The following SLC35F4 variants were observed in gnomAD, a reference collection of about 807,000 sequenced individuals.
The protein encoded by SLC35F4 is chromosome 14 open reading frame 36.
In SLC35F4, 24 loss-of-function variants were observed where a neutral mutation model predicts 44.2. The observed-to-expected ratio is 0.54, with a 90% CI of 0.39 to 0.76. SLC35F4 has a LOEUF of 0.76. Ranked by LOEUF, SLC35F4 falls within the 30% of genes least tolerant of loss-of-function variation. SLC35F4 has a pLI of 0.00. For synonymous variants in SLC35F4, 238 were observed against 223.6 expected (o/e 1.06, Z -0.57); for missense variants, 562 against 586.1 (o/e 0.96, Z 0.42).
At chr14:57,850,596 C>T (rs1374791060) in intron 1 of SLC35F4, among the ~76,000 whole-genome samples, 1 of 152,128 alleles carries the variant, frequency 6.6e-6, no homozygotes, top group African/African-American at 2.4e-5. Flanking sequence ...GCTTTTCTTA[C>T]TTTATGGATA....
intron 1 of SLC35F4, among the ~76,000 whole-genome samples, chr14:57,647,872 T>C (rs1166971066): frequency 6.6e-6 from 1 of 152,164 alleles, no homozygotes; most frequent in African/African-American, 2.4e-5. Context: ...GCAAGAATCC[T>C]GTTAGTTCGG....
At chr14:57,905,903 G>A (rs1226834790) in intron 1 of SLC35F4, among the ~76,000 whole-genome samples, 1 of 152,120 alleles carries the variant, frequency 6.6e-6, no homozygotes, top group Admixed American at 6.5e-5. Flanking sequence ...GGGAAAGCAA[G>A]TTTAAAAGGG....
chr14:57,635,927 A>C (rs187310095), intron 1 of SLC35F4, among the ~76,000 whole-genome samples: 60 of 152,304 alleles, frequency 3.9e-4, no homozygotes, highest in Middle Eastern at 3.4e-3. Flanking sequence ...TTAGCAAAGC[A>C]AGAGAAATGG....
At chr14:57,678,288 G>A (rs898490126) in intron 1 of SLC35F4, among the ~76,000 whole-genome samples, 2 of 151,850 alleles carry the variant, frequency 1.3e-5, no homozygotes, top group African/African-American at 4.8e-5. Flanking sequence ...TTCATAAGTG[G>A]AGAAATAAAA....
At chr14:57,583,231 A>G (rs1176441909) in intron 3 of SLC35F4, among the ~76,000 whole-genome samples, 1 of 152,206 alleles carries the variant, frequency 6.6e-6, no homozygotes, top group Non-Finnish European at 1.5e-5. Flanking sequence ...ACATAGAACC[A>G]GAGGAAGTTT....
chr14:57,925,142 G>A (rs1889531275), intron 1 of SLC35F4, among the ~76,000 whole-genome samples: 1 of 151,796 alleles, frequency 6.6e-6, no homozygotes, highest in Middle Eastern at 3.2e-3. Flanking sequence ...GAAGCCATCA[G>A]TCTATTAATG....
rs370436995 is a variant in SLC35F4 at position 57,674,329 on chromosome 14, GGCC to G, written c.104-80208_104-80206del. Among the ~76,000 whole-genome samples, 244 of 152,148 alleles carry G rather than the reference GGCC, an allele frequency of 1.6e-3. 3 individuals are homozygous for G. Among genetic ancestry groups the G allele is most frequent in the Middle Eastern group, 0.014 (4 of 294 alleles). Reference sequence around the variant, plus strand: ...AGTTTTAAAAATAACACTGAACATAGGCCTAACCTGTGACCTACCAATTCTACT... The same window carrying G: ...AGTTTTAAAAATAACACTGAACATAGTAACCTGTGACCTACCAATTCTACT... On this transcript the variant is annotated intron_variant, in intron 1 of 7. Coordinates refer to ENST00000556826, the MANE Select transcript of SLC35F4 (RefSeq NM_001306087.2).
At chr14:57,786,973 C>T (rs758205801) in intron 1 of SLC35F4, among the ~76,000 whole-genome samples, 1 of 152,056 alleles carries the variant, frequency 6.6e-6, no homozygotes, top group African/African-American at 2.4e-5. Flanking sequence ...ATCAGGGAGG[C>T]ACCAGAGAAA....
intron 1 of SLC35F4, among the ~76,000 whole-genome samples, chr14:57,701,453 T>A (rs1188496693): frequency 6.6e-6 from 1 of 152,210 alleles, no homozygotes; most frequent in Non-Finnish European, 1.5e-5. Context: ...CATAAACTGT[T>A]AACACAGTCA....
upstream of SLC35F4, among the ~76,000 whole-genome samples, chr14:57,870,164 C>G (rs1731567510): frequency 6.9e-6 from 1 of 145,806 alleles, no homozygotes; most frequent in East Asian, 2.0e-4. Flanking sequence ...GTGTCTGTGT[C>G]TCTCCCTGTG....
At chr14:57,954,980 A>G (rs1890210643) in intron 1 of SLC35F4, among the ~76,000 whole-genome samples, 1 of 151,238 alleles carries the variant, frequency 6.6e-6, no homozygotes, top group African/African-American at 2.4e-5. Context: ...CCTGGCAAAG[A>G]CACAGCAAAA....
At chr14:57,934,773 T>C (rs1045344929) in intron 1 of SLC35F4, among the ~76,000 whole-genome samples, 18 of 152,154 alleles carry the variant, frequency 1.2e-4, no homozygotes, top group African/African-American at 4.1e-4. Context: ...ATTTGTGATG[T>C]TAACTGAGAA....
At chr14:57,832,930 C>T (rs191707259) in intron 1 of SLC35F4, among the ~76,000 whole-genome samples, 24 of 152,300 alleles carry the variant, frequency 1.6e-4, no homozygotes, top group East Asian at 1.5e-3. Flanking sequence ...CTAGCCAACA[C>T]GACCCAGGGT....
chr14:57,782,692 C>A (rs560152973), intron 1 of SLC35F4, among the ~76,000 whole-genome samples: 3 of 152,160 alleles, frequency 2.0e-5, no homozygotes, highest in Non-Finnish European at 4.4e-5. Context: ...AAACACCCTG[C>A]GTAAGCAGTT....
intron 1 of SLC35F4, among the ~76,000 whole-genome samples, chr14:57,718,915 C>T (rs1237932214): frequency 1.3e-5 from 2 of 151,966 alleles, no homozygotes; most frequent in Non-Finnish European, 2.9e-5. Context: ...AAACTTTTGC[C>T]CAATATCTTG....
chr14:57,911,209 A>G (rs1348234547), intron 1 of SLC35F4, among the ~76,000 whole-genome samples: 1 of 151,938 alleles, frequency 6.6e-6, no homozygotes, highest in East Asian at 1.9e-4. Context: ...TGTTTTCTAC[A>G]TAGACAATAA....
intron 4 of SLC35F4, among the ~76,000 whole-genome samples, chr14:57,577,296 G>A: frequency 6.6e-6 from 1 of 152,094 alleles, no homozygotes; most frequent in East Asian, 1.9e-4. Flanking sequence ...GTCAGTTTTT[G>A]GTAGATCCTG....
intron 1 of SLC35F4, among the ~76,000 whole-genome samples, chr14:57,673,840 TCTG>T (rs1267182240): frequency 6.6e-6 from 1 of 152,068 alleles, no homozygotes; most frequent in Non-Finnish European, 1.5e-5. Context: ...ATTAAGAACT[TCTG>T]CTCATTATTG....
intron 1 of SLC35F4, chr14:57,981,829 T>C (rs1566525422): frequency 1.3e-5 from 2 of 152,090 alleles, no homozygotes; most frequent in Non-Finnish European, 2.9e-5. Context: ...AGACAAACAA[T>C]GTCCATTCCG....
Sources: allele counts gnomAD v4.1 joint callset (sites outside exome capture counted in the v4.1 genomes callset), GRCh38; gene constraint gnomAD v4.1.1; transcripts MANE v1.5; gene names NCBI Gene and HGNC (gene_info 2026-07-23, HGNC 2026-07-21).